The following KCNQ1 variants were observed in gnomAD, a reference collection of about 807,000 sequenced individuals.
The protein encoded by KCNQ1 is potassium voltage-gated channel subfamily Q member 1.
A neutral mutation model predicts 72.4 loss-of-function variants in KCNQ1; 49 were observed. The observed-to-expected ratio is 0.68, with a 90% confidence interval of 0.54 to 0.86. The LOEUF (loss-of-function observed/expected upper bound fraction) is 0.86, where lower values mean the gene tolerates loss of function less well. Among genes scored for constraint, KCNQ1 ranks in the 40% least tolerant of loss-of-function variants. The pLI is 0.00. For missense variants in KCNQ1, 790 were observed against 945.1 expected (o/e 0.84, Z 2.15); for synonymous variants, 450 against 412.6 (o/e 1.09, Z -1.10).
chr11:2,689,037 G>C, intron 11 of KCNQ1: 1 of 398,834 alleles, frequency 2.5e-6, no homozygotes, highest in Non-Finnish European at 4.4e-6. Context: ...TGGGCTGCAG[G>C]GTTTTGAGGG....
At chr11:2,505,161 C>A (rs1308107889) in intron 1 of KCNQ1, among the ~76,000 whole-genome samples, 1 of 152,064 alleles carries the variant, frequency 6.6e-6, no homozygotes, top group Non-Finnish European at 1.5e-5. Context: ...GTCAACCCAT[C>A]ACCTAGGTGT....
chr11:2,733,774 C>CACACACACACACACACACA (rs1845891956), intron 11 of KCNQ1, among the ~76,000 whole-genome samples: 26 of 57,568 alleles, frequency 4.5e-4, no homozygotes, highest in African/African-American at 3.9e-4. Flanking sequence ...TTCAGGCCTT[C>CACACACACACACACACACA]CACACACACA....
At position 2,526,794 on chromosome 11, in the gene KCNQ1, G is replaced by C. The variant is rs572673280; in HGVS notation, c.387-1134G>C. On this transcript the variant is annotated intron_variant, in intron 1 of 15. Transcript: ENST00000155840. This position sits in a 1 kb window ranked among gnomAD's most constrained non-coding sequence, Gnocchi z 6.1. The stretch of plus-strand genomic sequence containing the variant: ...GGGCCTTCTGGCTGTCCTGGGGTGG[G>C]TTAGAAGCCACTCAGGATGGCAGGA... Among the ~76,000 whole-genome samples the C allele has an allele frequency of 6.6e-6, 1 of 152,214 alleles. No homozygotes were observed. The highest frequency in any genetic ancestry group is 1.5e-5 in the Non-Finnish European group (1 of 67,962).
Position 2,603,226 on chromosome 11 carries a change from T to G in KCNQ1, c.1393+14372T>G, listed in dbSNP as rs7121454. 0.074 allele frequency among the ~76,000 whole-genome samples: 11,221 copies of G among 152,226 alleles called. 907 individuals carry two copies. Among genetic ancestry groups the G allele is most frequent in the African/African-American group, 0.2 (8,189 of 41,492 alleles). On this transcript the variant is annotated intron_variant, in intron 10 of 15. Coordinates refer to ENST00000155840, the MANE Select transcript of KCNQ1 (RefSeq NM_000218.3). This position sits in a 1 kb window ranked among gnomAD's most constrained non-coding sequence, Gnocchi z 4.1. ...AAAGTTATGTTTATATTGTAGTCTATTAAGTGTGCAATAGCCCCATGTCTA... is the reference window on the plus strand; with the variant it reads ...AAAGTTATGTTTATATTGTAGTCTAGTAAGTGTGCAATAGCCCCATGTCTA...
intron 11 of KCNQ1, among the ~76,000 whole-genome samples, chr11:2,758,277 A>C (rs1411375905): frequency 6.6e-6 from 1 of 152,242 alleles, no homozygotes; most frequent in Non-Finnish European, 1.5e-5. Flanking sequence ...CAAAGAAAAT[A>C]AATAGGGAAG....
At chr11:2,741,537 C>T (rs1846050346) in intron 11 of KCNQ1, among the ~76,000 whole-genome samples, 1 of 152,166 alleles carries the variant, frequency 6.6e-6, no homozygotes, top group Non-Finnish European at 1.5e-5. Context: ...CAGCCTATCC[C>T]CTACCCAGGC....
chr11:2,773,975 G>T (rs1846648404), intron 12 of KCNQ1, among the ~76,000 whole-genome samples: 1 of 151,716 alleles, frequency 6.6e-6, no homozygotes, highest in African/African-American at 2.4e-5. Flanking sequence ...GGGAATCAAG[G>T]CTCAGCATCC....
intron 2 of KCNQ1, among the ~76,000 whole-genome samples, chr11:2,569,147 G>A (rs1848288977): frequency 6.6e-6 from 1 of 152,174 alleles, no homozygotes. Flanking sequence ...GCCTCCCAGA[G>A]TGCTGGGATT....
chr11:2,699,802 C>G (rs896864023), intron 11 of KCNQ1: 3 of 397,098 alleles, frequency 7.6e-6, no homozygotes, highest in African/African-American at 2.1e-5. Context: ...AGGGGCGCGC[C>G]GGGGAGAACC....
Position 2,657,622 on chromosome 11 carries a change from TA to T in KCNQ1, c.1394-4338del, listed in dbSNP as rs1849872964. The T allele has an allele frequency of 2.5e-6, 1 of 398,630 alleles. No homozygotes were observed. The highest frequency in any genetic ancestry group is 3.6e-5 in the East Asian group (1 of 28,072). 24.7% of individuals were successfully genotyped at this position (398,630 alleles called of 1,614,324 possible). ...AACTAAAAAATTAACATTGGTACAC[TA>T]TTAAGCTAGAGTTATAAATTTATTT... is the stretch of plus-strand genomic sequence containing the variant. On this transcript the variant is annotated intron_variant, in intron 10 of 15. Transcript: ENST00000155840. The surrounding 1 kb of genome is among the most constrained non-coding windows in gnomAD (Gnocchi z 4.8).
At chr11:2,737,283 C>T (rs1317900034) in intron 11 of KCNQ1, among the ~76,000 whole-genome samples, 3 of 152,136 alleles carry the variant, frequency 2.0e-5, no homozygotes, top group Non-Finnish European at 4.4e-5. Flanking sequence ...AGAGGGAGAG[C>T]CCCGGGCAGC....
rs541925016 is a variant in KCNQ1 at position 2,698,376 on chromosome 11, A to G, written c.1514+36295A>G. On this transcript the variant is annotated intron_variant, in intron 11 of 15. Transcript: ENST00000155840. This position sits in a 1 kb window ranked among gnomAD's most constrained non-coding sequence, Gnocchi z 5.1. ...ATATAAAAGGCTATTTGACCTGCTC[A>G]GGGACCACAGTGGGGTACTGGGATC... 3 of 398,610 alleles carry G rather than the reference A, an allele frequency of 7.5e-6. No homozygotes were observed. The East Asian group carries it at 1.1e-4, about 14-fold the overall frequency. 24.7% of individuals were successfully genotyped at this position (398,610 alleles called of 1,614,324 possible).
At chr11:2,754,818 A>G (rs1846274804) in intron 11 of KCNQ1, among the ~76,000 whole-genome samples, 1 of 152,216 alleles carries the variant, frequency 6.6e-6, no homozygotes, top group South Asian at 2.1e-4. Flanking sequence ...CAAGACACAA[A>G]AGCATTGACT....
rs1847366313 is a variant in KCNQ1, at chr11:2,806,070, C to T, written c.1794+28033C>T. On this transcript the variant is annotated intron_variant, in intron 15 of 15. Coordinates refer to ENST00000155840, the MANE Select transcript of KCNQ1 (RefSeq NM_000218.3). ...CCCTCAGTGACCCAGGAAAATGCCC[C>T]ATGTACAAGGTTACTGGAGACAAAC... 2.6e-5 allele frequency among the ~76,000 whole-genome samples: 4 copies of T among 152,188 alleles called. No homozygotes were observed. In the South Asian group the frequency reaches 8.3e-4, roughly 31 times the overall value.
At chr11:2,529,558 A>T (rs1847575475) in intron 2 of KCNQ1, among the ~76,000 whole-genome samples, 1 of 152,158 alleles carries the variant, frequency 6.6e-6, no homozygotes, top group South Asian at 2.1e-4. Context: ...TTGAGAGAAT[A>T]AGTTGTTATT....
Position 2,710,849 on chromosome 11 carries a change from T to C in KCNQ1, c.1514+48768T>C, listed in dbSNP as rs1226572564. 6.6e-6 allele frequency among the ~76,000 whole-genome samples: 1 copy of C among 152,276 alleles called. No homozygotes were observed. The highest frequency in any genetic ancestry group is 1.5e-5 in the Non-Finnish European group (1 of 68,046). ...CTATTGATTTGTTTGTCTATCCTTA[T>C]GCCAGTACTATATCGTCTTGATTGT... On this transcript the variant is annotated intron_variant, in intron 11 of 15. Coordinates refer to ENST00000155840, the MANE Select transcript of KCNQ1 (RefSeq NM_000218.3). The surrounding 1 kb of genome is among the most constrained non-coding windows in gnomAD (Gnocchi z 4.1).
At position 2,551,885 on chromosome 11, in the gene KCNQ1, T is replaced by C. The variant is rs187048148; in HGVS notation, c.478-18743T>C. ...GCATATTTGCCATTCATATATCTCC[T>C]TTGATGGAGGATCTGTCCAGTTTGT... On this transcript the variant is annotated intron_variant, in intron 2 of 15. Coordinates refer to ENST00000155840, the MANE Select transcript of KCNQ1 (RefSeq NM_000218.3). 2.0e-3 allele frequency among the ~76,000 whole-genome samples: 300 copies of C among 152,388 alleles called. 1 individual carries two copies. Among genetic ancestry groups the C allele is most frequent in the African/African-American group, 7.0e-3 (292 of 41,592 alleles).
chr11:2,501,118 T>C (rs1430766107), intron 1 of KCNQ1, among the ~76,000 whole-genome samples: 2 of 151,864 alleles, frequency 1.3e-5, no homozygotes, highest in Non-Finnish European at 2.9e-5. Flanking sequence ...AACCTAATGA[T>C]CTTAAAGAAC....
chr11:2,578,709 T>C (rs1848456597), intron 6 of KCNQ1, among the ~76,000 whole-genome samples: 1 of 152,246 alleles, frequency 6.6e-6, no homozygotes, highest in South Asian at 2.1e-4. Flanking sequence ...GGGGCTGAGC[T>C]TGGGTGCTGC....
Sources: allele counts gnomAD v4.1 joint callset (sites outside exome capture counted in the v4.1 genomes callset), GRCh38; gene constraint gnomAD v4.1.1; non-coding constraint Gnocchi (gnomAD v3.1); transcripts MANE v1.5; gene names NCBI Gene and HGNC (gene_info 2026-07-23, HGNC 2026-07-21).